The following GLIS3 variants were observed in gnomAD, a reference collection of about 807,000 sequenced individuals.
GLIS3 encodes the protein zinc finger protein GLIS3.
In GLIS3, 53 loss-of-function variants were observed where a neutral mutation model predicts 78.6. The observed-to-expected ratio is 0.67, with a 90% CI of 0.54 to 0.85. The LOEUF is 0.85. Among genes scored for constraint, GLIS3 ranks in the 40% least tolerant of loss-of-function variants. The pLI is 0.00. For missense variants in GLIS3, 1,703 were observed against 1,231.1 expected (o/e 1.38, Z -5.74); for synonymous variants, 684 against 509.9 (o/e 1.34, Z -4.60).
chr9:4,007,244 G>T (rs915273772), intron 4 of GLIS3, among the ~76,000 whole-genome samples: 1 of 152,102 alleles, frequency 6.6e-6, no homozygotes, highest in African/African-American at 2.4e-5. Flanking sequence ...GGGACATCAG[G>T]ATTAGGAAAA....
intron 4 of GLIS3, among the ~76,000 whole-genome samples, chr9:3,967,800 A>T (rs115428030): frequency 6.6e-6 from 1 of 152,198 alleles, no homozygotes; most frequent in African/African-American, 2.4e-5. Flanking sequence ...ATATGTGTAT[A>T]TATTTGTATG....
At chr9:4,456,558 T>A in the GLIS3 span, among the ~76,000 whole-genome samples, 1 of 152,256 alleles carries the variant, frequency 6.6e-6, no homozygotes, top group Non-Finnish European at 1.5e-5. Flanking sequence ...TTTCTTCCAA[T>A]AACTTTTCCT....
intron 4 of GLIS3, 40 bp downstream of exon 4, chr9:4,117,728 G>A (rs960494871): frequency 1.9e-6 from 3 of 1,613,352 alleles, no homozygotes; most frequent in Non-Finnish European, 1.7e-6. Context: ...AGCAAGCCGG[G>A]CCTTCAAGAG....
At chr9:3,861,680 C>G (rs1385631694) in intron 8 of GLIS3, among the ~76,000 whole-genome samples, 1 of 152,104 alleles carries the variant, frequency 6.6e-6, no homozygotes. Flanking sequence ...CAAACTAATG[C>G]AGGAACATAA....
upstream of GLIS3, among the ~76,000 whole-genome samples, chr9:4,301,541 G>GA (rs1161169544): frequency 6.6e-6 from 1 of 152,198 alleles, no homozygotes; most frequent in Non-Finnish European, 1.5e-5. Context: ...AACAGAGCAA[G>GA]ATGGCAACAC....
chr9:4,452,791 T>C, the GLIS3 span, among the ~76,000 whole-genome samples: 15 of 151,930 alleles, frequency 9.9e-5, no homozygotes, highest in East Asian at 3.9e-4. Context: ...GCTGTTTTCT[T>C]TACAGAATTA....
intron 5 of GLIS3, among the ~76,000 whole-genome samples, chr9:3,936,653 T>G (rs1281444502): frequency 1.3e-5 from 2 of 152,160 alleles, no homozygotes; most frequent in Non-Finnish European, 2.9e-5. Context: ...CTGCTTCATA[T>G]TCCTAGCAAT....
At chr9:4,335,209 C>T (rs928405880) in intron 2 of GLIS3, among the ~76,000 whole-genome samples, 8 of 152,084 alleles carry the variant, frequency 5.3e-5, no homozygotes, top group Non-Finnish European at 8.8e-5. Flanking sequence ...TACCTGGCCC[C>T]ATTTCCACTC....
chr9:4,483,634 C>T, the GLIS3 span, among the ~76,000 whole-genome samples: 1 of 150,824 alleles, frequency 6.6e-6, no homozygotes, highest in African/African-American at 2.4e-5. Flanking sequence ...GCAGGAGAAT[C>T]ACTTGAACCT....
intron 4 of GLIS3, among the ~76,000 whole-genome samples, chr9:4,061,270 G>A (rs1826634326): frequency 7.3e-6 from 1 of 136,170 alleles, no homozygotes; most frequent in African/African-American, 2.8e-5. Flanking sequence ...CTGTGTCCAA[G>A]TGTTCTAACT....
chr9:3,999,503 A>G (rs1820976443), intron 4 of GLIS3, among the ~76,000 whole-genome samples: 1 of 152,156 alleles, frequency 6.6e-6, no homozygotes, highest in African/African-American at 2.4e-5. Context: ...CCATGTATAA[A>G]ACAATAATGA....
chr9:4,029,611 C>A (rs982042020), intron 4 of GLIS3, among the ~76,000 whole-genome samples: 7 of 152,032 alleles, frequency 4.6e-5, no homozygotes, highest in Admixed American at 4.6e-4. Context: ...CCCCACCACC[C>A]TTCTCAGCCT....
chr9:4,296,141 T>C (rs1256259078), intron 1 of GLIS3, among the ~76,000 whole-genome samples: 1 of 152,130 alleles, frequency 6.6e-6, no homozygotes, highest in Non-Finnish European at 1.5e-5. Context: ...CTCTGAGTTA[T>C]CTCCTTCAAG....
rs746605886 is a variant in GLIS3, at chr9:4,117,902, T to C, written c.1576A>G (p.Ile526Val). The change falls in exon 4 of 11, where the codon ATC (isoleucine) becomes GTC (valine). Residue 526 changes from isoleucine (I) to valine (V), a missense_variant. Ile to Val is a conservative substitution (Grantham distance 29). Coordinates refer to ENST00000381971, the MANE Select transcript of GLIS3 (RefSeq NM_001042413.2). ...ELVRHIEKVHIDQRKGEDFTC... is the reference protein window; with the variant it reads ...ELVRHIEKVHVDQRKGEDFTC... The stretch of plus-strand genomic sequence containing the variant: ...AAGTCCTCCCCTTTGCGCTGGTCGA[T>C]GTGGACCTTCTCGATGTGCCGCACG... 9 of 1,614,022 alleles carry C rather than the reference T, an allele frequency of 5.6e-6. No homozygotes were observed. The highest frequency in any genetic ancestry group is 1.3e-5 in the African/African-American group (1 of 74,914).
chr9:4,445,317 G>C, the GLIS3 span, among the ~76,000 whole-genome samples: 1 of 152,134 alleles, frequency 6.6e-6, no homozygotes, highest in Non-Finnish European at 1.5e-5. Context: ...GATGAAGCAG[G>C]AAGCGACAAT....
chr9:4,319,336 G>A (rs896684417), intron 2 of GLIS3, among the ~76,000 whole-genome samples: 4 of 152,120 alleles, frequency 2.6e-5, no homozygotes, highest in Non-Finnish European at 4.4e-5. Context: ...TCCAGATGGG[G>A]GAGCAGGAAG....
chr9:4,228,480 G>T (rs942746479), intron 2 of GLIS3, among the ~76,000 whole-genome samples: 16 of 152,154 alleles, frequency 1.1e-4, no homozygotes, highest in African/African-American at 3.9e-4. Flanking sequence ...CACCTGCAAA[G>T]ATCTACTTTG....
intron 9 of GLIS3, among the ~76,000 whole-genome samples, chr9:3,842,885 T>C (rs1818807747): frequency 6.6e-6 from 1 of 152,200 alleles, no homozygotes; most frequent in South Asian, 2.1e-4. Context: ...GTTCTTCCCA[T>C]GGGCATCTCT....
chr9:4,294,934 G>A (rs577237568), intron 1 of GLIS3, among the ~76,000 whole-genome samples: 10 of 152,278 alleles, frequency 6.6e-5, no homozygotes, highest in Admixed American at 2.0e-4. Context: ...TTTACTGCCT[G>A]AATAAATACA....
Sources: allele counts gnomAD v4.1 joint callset (sites outside exome capture counted in the v4.1 genomes callset), GRCh38; gene constraint gnomAD v4.1.1; transcripts MANE v1.5; gene names NCBI Gene and HGNC (gene_info 2026-07-23, HGNC 2026-07-21).